SH3RF3: variants seen among roughly 807,000 people sequenced by gnomAD.
SH3RF3 encodes E3 ubiquitin-protein ligase SH3RF3.
A neutral mutation model predicts 66.3 loss-of-function variants in SH3RF3; 29 were observed. That is an observed-to-expected ratio of 0.44 (90% CI 0.33 to 0.60). The LOEUF (loss-of-function observed/expected upper bound fraction) is 0.60. Among genes scored for constraint, SH3RF3 ranks in the 20% least tolerant of loss-of-function variants. The pLI, the probability that SH3RF3 is intolerant of heterozygous loss-of-function variation, is 0.04. For synonymous variants in SH3RF3, 583 were observed against 532.0 expected, an observed-to-expected ratio of 1.10 and a Z score of -1.32; for missense variants, 1,194 against 1,190.9, an observed-to-expected ratio of 1.00 and a Z score of -0.04.
chr2:109,482,512 C>G (rs1678860709), intron 8 of SH3RF3, among the ~76,000 whole-genome samples: 2 of 152,312 alleles, frequency 1.3e-5, no homozygotes, highest in African/African-American at 4.8e-5. Flanking sequence ...TCTTTTGTTT[C>G]AGGAGCTCCC....
chr2:109,245,238 T>A (rs1679887706), intron 1 of SH3RF3, among the ~76,000 whole-genome samples: 1 of 152,156 alleles, frequency 6.6e-6, no homozygotes, highest in African/African-American at 2.4e-5. Flanking sequence ...TCTTACTGGC[T>A]GCTCTGAGGT....
chr2:109,147,760 A>G (rs1677134329), intron 1 of SH3RF3, among the ~76,000 whole-genome samples: 1 of 152,218 alleles, frequency 6.6e-6, no homozygotes, highest in Non-Finnish European at 1.5e-5. Flanking sequence ...TACGAAGTTA[A>G]CAAGCAGTTG....
chr2:109,453,541 T>C (rs1353461029), intron 8 of SH3RF3, among the ~76,000 whole-genome samples: 5 of 152,060 alleles, frequency 3.3e-5, no homozygotes, highest in Admixed American at 1.3e-4. Flanking sequence ...AAGGGTGCAA[T>C]GGGCTGCGTG....
intron 7 of SH3RF3, among the ~76,000 whole-genome samples, chr2:109,441,132 C>CAA (rs55649222): frequency 0.029 from 3,935 of 134,010 alleles, 159 homozygotes; most frequent in African/African-American, 0.081. Context: ...TATAGGAATA[C>CAA]AAAAAAAAAA....
chr2:109,253,183 A>G (rs1440428749), intron 1 of SH3RF3, among the ~76,000 whole-genome samples: 1 of 152,038 alleles, frequency 6.6e-6, no homozygotes, highest in Non-Finnish European at 1.5e-5. Context: ...ACGTGCCACC[A>G]TGCCTGGCTA....
intron 1 of SH3RF3, among the ~76,000 whole-genome samples, chr2:109,234,835 A>G (rs746425592): frequency 6.6e-6 from 1 of 152,222 alleles, no homozygotes; most frequent in Non-Finnish European, 1.5e-5. Flanking sequence ...TGAGAAAAAG[A>G]GAGATGGAAT....
At chr2:109,275,010 C>T (rs1680721208) in intron 1 of SH3RF3, among the ~76,000 whole-genome samples, 1 of 152,078 alleles carries the variant, frequency 6.6e-6, no homozygotes, top group African/African-American at 2.4e-5. Flanking sequence ...TTCTAAGCAC[C>T]ATTTATACTG....
chr2:109,262,059 A>C (rs1417901453), intron 1 of SH3RF3, among the ~76,000 whole-genome samples: 1 of 152,162 alleles, frequency 6.6e-6, no homozygotes, highest in Admixed American at 6.5e-5. Context: ...CTGATGCACC[A>C]GCCCCAACGG....
chr2:109,411,513 G>C (rs1006644692), intron 4 of SH3RF3, among the ~76,000 whole-genome samples: 3 of 152,178 alleles, frequency 2.0e-5, no homozygotes, highest in Admixed American at 6.5e-5. Flanking sequence ...ATTGCTGCTC[G>C]TTTGCATCCG....
chr2:109,252,254 G>GAA (rs57575966), intron 1 of SH3RF3, among the ~76,000 whole-genome samples: 7,343 of 144,260 alleles, frequency 0.051, 501 homozygotes, highest in African/African-American at 0.16. Flanking sequence ...TCTCAGAGGA[G>GAA]AAAAAAAAAA....
intron 1 of SH3RF3, chr2:109,251,765 T>C (rs1680097430): frequency 3.5e-6 from 2 of 565,550 alleles, no homozygotes; most frequent in Admixed American, 5.9e-5. Flanking sequence ...AATAAACTTT[T>C]GTAATAGTCA....
In SH3RF3 at chr2:109,449,182, C is replaced by T. The variant is rs746068031; in HGVS notation, c.1841C>T (p.Ala614Val). Residue 614 changes from alanine (A) to valine (V), a missense_variant, in exon 8 of 10, where the codon GCA becomes GTA. By Grantham distance (64) the Ala-to-Val change is moderately conservative. Coordinates refer to ENST00000309415, the MANE Select transcript of SH3RF3 (RefSeq NM_001099289.3). The stretch of plus-strand genomic sequence containing the variant: ...ACCCCGTCTCCAGCTGCCCACTCTG[C>T]AGCCCAGGCTCAGGACCGGCCAACT... ...RSTISTAAHS[A>V]AQAQDRPTAT... The T allele has an allele frequency of 9.3e-6, 15 of 1,613,558 alleles. No homozygotes were observed. In the East Asian group the frequency reaches 3.3e-4, roughly 36 times the overall value.
chr2:109,500,665 C>T (rs1009664213), intron 9 of SH3RF3, among the ~76,000 whole-genome samples: 8 of 152,122 alleles, frequency 5.3e-5, no homozygotes, highest in African/African-American at 1.9e-4. Context: ...AAAATAAGGA[C>T]AGGTTAGGCA....
At chr2:109,435,993 C>T (rs1677386743) in intron 6 of SH3RF3, among the ~76,000 whole-genome samples, 1 of 152,176 alleles carries the variant, frequency 6.6e-6, no homozygotes, top group Non-Finnish European at 1.5e-5. Flanking sequence ...GAAACCCTCA[C>T]TCTGTGTTGC....
At chr2:109,415,840 T>C (rs1278655162) in intron 4 of SH3RF3, among the ~76,000 whole-genome samples, 2 of 152,140 alleles carry the variant, frequency 1.3e-5, no homozygotes, top group Non-Finnish European at 2.9e-5. Flanking sequence ...CTGAAATTCA[T>C]GTTGAAATTT....
chr2:109,155,112 A>C (rs537347716), intron 1 of SH3RF3, among the ~76,000 whole-genome samples: 1 of 152,286 alleles, frequency 6.6e-6, no homozygotes, highest in Non-Finnish European at 1.5e-5. Context: ...GAGCCACATA[A>C]AGGCATTTTG....
chr2:109,163,521 C>CCCAAGTAGCT (rs1386061146), intron 1 of SH3RF3, among the ~76,000 whole-genome samples: 259 of 148,822 alleles, frequency 1.7e-3, no homozygotes, highest in Middle Eastern at 3.5e-3. Flanking sequence ...GCCTCAGCCT[C>CCCAAGTAGCT]CCAAGTAGCT....
intron 3 of SH3RF3, among the ~76,000 whole-genome samples, chr2:109,377,564 GA>G (rs1433459091): frequency 1.3e-5 from 2 of 152,184 alleles, no homozygotes; most frequent in African/African-American, 4.8e-5. Context: ...TGGTGTTTGG[GA>G]AAATTGTGGA....
intron 9 of SH3RF3, among the ~76,000 whole-genome samples, chr2:109,501,016 A>G (rs956841229): frequency 1.3e-5 from 2 of 152,134 alleles, no homozygotes; most frequent in African/African-American, 4.8e-5. Context: ...TTGGGCCCCA[A>G]CCTGTGAGGT....
Sources: gnomAD v4.1 joint callset for allele counts (sites outside exome capture counted in the v4.1 genomes callset) on GRCh38, gnomAD v4.1.1 for gene constraint, MANE v1.5 for transcripts, NCBI Gene and HGNC (gene_info 2026-07-23, HGNC 2026-07-21) for gene names.